Variants in IQSEC1 observed in about 807,000 individuals in gnomAD.
IQSEC1 encodes the protein IQ motif and SEC7 domain-containing protein 1.
A neutral mutation model predicts 91.0 loss-of-function variants in IQSEC1; 31 were observed. The observed-to-expected ratio is 0.34, with a 90% CI of 0.26 to 0.46. IQSEC1 has a LOEUF of 0.46. Ranked by LOEUF, IQSEC1 falls within the 20% of genes least tolerant of loss-of-function variation. IQSEC1 has a pLI of 1.00. For synonymous variants in IQSEC1, 699 were observed against 662.6 expected (o/e 1.05, Z -0.84); for missense variants, 1,388 against 1,575.6 (o/e 0.88, Z 2.02).
At chr3:13,205,610 C>T (rs1368900726) in intron 1 of IQSEC1, among the ~76,000 whole-genome samples, 1 of 149,688 alleles carries the variant, frequency 6.7e-6, no homozygotes, top group Non-Finnish European at 1.5e-5. Context: ...CTCCCTCCTT[C>T]CTGCCCTCCA....
chr3:13,192,324 C>G (rs1264956079), intron 1 of IQSEC1, among the ~76,000 whole-genome samples: 4 of 139,630 alleles, frequency 2.9e-5, no homozygotes, highest in African/African-American at 1.1e-4. Context: ...GGCAACAGAG[C>G]GAGACTCTGT....
intron 2 of IQSEC1, among the ~76,000 whole-genome samples, chr3:13,084,521 C>T (rs550105983): frequency 2.0e-5 from 3 of 152,214 alleles, no homozygotes; most frequent in Non-Finnish European, 4.4e-5. Context: ...TGGGGCTGAC[C>T]GTCCAGTGGA....
chr3:13,255,042 G>T (rs1310344054), intron 1 of IQSEC1, among the ~76,000 whole-genome samples: 1 of 152,372 alleles, frequency 6.6e-6, no homozygotes, highest in East Asian at 1.9e-4. Context: ...ACGTCTGGAA[G>T]ACCAACCTCC....
intron 1 of IQSEC1, among the ~76,000 whole-genome samples, chr3:13,196,370 A>T (rs573426614): frequency 6.6e-6 from 1 of 152,350 alleles, no homozygotes; most frequent in South Asian, 2.1e-4. Context: ...GACCTCAGAG[A>T]CAAGGAAAGG....
chr3:12,966,218 T>C (rs1293753518), intron 1 of IQSEC1, among the ~76,000 whole-genome samples: 1 of 152,150 alleles, frequency 6.6e-6, no homozygotes. Context: ...CAAGGAGCAA[T>C]GGGGTCCTTG....
intron 2 of IQSEC1, among the ~76,000 whole-genome samples, chr3:13,122,139 C>T (rs745407288): frequency 7.2e-5 from 11 of 152,128 alleles, no homozygotes; most frequent in South Asian, 2.1e-4. Context: ...GGGCCGGGCC[C>T]GAGTGTAAAC....
At chr3:13,244,444 T>C (rs560155722) in intron 1 of IQSEC1, among the ~76,000 whole-genome samples, 2 of 152,340 alleles carry the variant, frequency 1.3e-5, no homozygotes, top group South Asian at 2.1e-4. Context: ...TGTCGGTATA[T>C]GTAATTCACC....
intron 2 of IQSEC1, among the ~76,000 whole-genome samples, chr3:13,159,933 T>C (rs2124977695): frequency 6.6e-6 from 1 of 152,266 alleles, no homozygotes; most frequent in African/African-American, 2.4e-5. Flanking sequence ...ATGGTCCCTC[T>C]TCCATAAATA....
intron 2 of IQSEC1, among the ~76,000 whole-genome samples, chr3:13,155,274 A>G (rs770926930): frequency 5.9e-5 from 9 of 152,184 alleles, no homozygotes; most frequent in Non-Finnish European, 1.2e-4. Flanking sequence ...AAAAGACTCA[A>G]CTAAAATCAG....
chr3:13,043,316 C>T (rs1704357980), intron 1 of IQSEC1, among the ~76,000 whole-genome samples: 1 of 152,174 alleles, frequency 6.6e-6, no homozygotes, highest in Non-Finnish European at 1.5e-5. Flanking sequence ...CCTTGTATCT[C>T]CTGGGATCTG....
At chr3:13,048,526 C>A (rs1313700442) in intron 1 of IQSEC1, among the ~76,000 whole-genome samples, 1 of 152,368 alleles carries the variant, frequency 6.6e-6, no homozygotes, top group East Asian at 1.9e-4. Context: ...GGGCACAGGC[C>A]AAGCCTGGGC....
At position 12,898,612 on chromosome 3, in the gene IQSEC1, A is replaced by G. The variant is rs949652662; in HGVS notation, c.*2371T>C. On this transcript the variant is annotated 3_prime_UTR_variant, in exon 14 of 14. Coordinates refer to ENST00000613206, the MANE Select transcript of IQSEC1 (RefSeq NM_001134382.3). ...TTACTGCTACCCTTCAGAAAGAGCA[A>G]TTCTGTGCCAAACGGCCTGAATCTT... The G allele has an allele frequency of 2.0e-5, 3 of 152,158 alleles. No individual in the cohort carries two copies. Among genetic ancestry groups the G allele is most frequent in the African/African-American group, 4.8e-5 (2 of 41,444 alleles). 9.4% of individuals were successfully genotyped at this position (152,158 alleles called of 1,614,324 possible). A position where few individuals can be genotyped will look rare whatever the true frequency, so the allele number is the denominator to read the frequency against.
chr3:12,962,812 T>C (rs1700325667), intron 1 of IQSEC1, among the ~76,000 whole-genome samples: 1 of 152,230 alleles, frequency 6.6e-6, no homozygotes, highest in Admixed American at 6.5e-5. Context: ...TCTTGGGTTC[T>C]GTGGGGAAAG....
intron 2 of IQSEC1, among the ~76,000 whole-genome samples, chr3:13,112,906 T>G (rs560319844): frequency 1.3e-5 from 2 of 152,238 alleles, no homozygotes; most frequent in Admixed American, 1.3e-4. Context: ...TGGTGAGACA[T>G]GAGACAATGC....
At chr3:13,016,557 C>T (rs1243993888) in intron 1 of IQSEC1, among the ~76,000 whole-genome samples, 2 of 152,208 alleles carry the variant, frequency 1.3e-5, no homozygotes, top group Non-Finnish European at 2.9e-5. Context: ...GACTGCTCCT[C>T]CCGCCCTCTC....
rs1438182523 is a variant in IQSEC1, at chr3:13,282,727, C to G, written c.256G>C (p.Gly86Arg). Among the ~76,000 whole-genome samples, 2 of 149,844 alleles carry G rather than the reference C, an allele frequency of 1.3e-5. No homozygotes were observed. Among genetic ancestry groups the G allele is most frequent in the African/African-American group, 2.4e-5 (1 of 41,102 alleles). ...CCCGCTTACTTGTCGCGGCGGCCGC[C>G]GAGCTCCGGGATGGCGCCGAGCGGC... Residue 86 changes from glycine to arginine, a missense_variant, in exon 1 of 16, where the codon GGC becomes CGC. By Grantham distance (125) the Gly-to-Arg change is moderately radical. Transcript: ENST00000648114. This position sits in a 1 kb window ranked among gnomAD's most constrained non-coding sequence, Gnocchi z 6.4.
chr3:13,154,446 T>TAC (rs1707050936), intron 2 of IQSEC1, among the ~76,000 whole-genome samples: 2 of 58,876 alleles, frequency 3.4e-5, no homozygotes, highest in African/African-American at 1.5e-4. Context: ...TGCATATATA[T>TAC]ATATATATAT....
At chr3:12,973,800 G>T (rs1701022790) in intron 1 of IQSEC1, among the ~76,000 whole-genome samples, 1 of 152,122 alleles carries the variant, frequency 6.6e-6, no homozygotes, top group South Asian at 2.1e-4. Flanking sequence ...CCAAGACCCA[G>T]TGCTGCCCAC....
chr3:13,027,498 AGGAACTGTTGCTTGGACTGGGGTGGT>A (rs1205000811), intron 1 of IQSEC1, among the ~76,000 whole-genome samples: 1 of 152,226 alleles, frequency 6.6e-6, no homozygotes, highest in Non-Finnish European at 1.5e-5. Context: ...GGGGCCAGGG[AGGAACTGTTGCTTGGACTGGGGTGGT>A]GGACAGGAAG....
Sources: allele counts gnomAD v4.1 joint callset (sites outside exome capture counted in the v4.1 genomes callset), GRCh38; gene constraint gnomAD v4.1.1; non-coding constraint Gnocchi (gnomAD v3.1); transcripts MANE v1.5; gene names NCBI Gene and HGNC (gene_info 2026-07-23, HGNC 2026-07-21).